ADGRB3: variants seen among roughly 807,000 people sequenced by gnomAD.
ADGRB3 encodes brain-specific angiogenesis inhibitor 3.
ADGRB3 carries 37 observed loss-of-function variants against 193.4 expected under a neutral mutation model. The ratio of observed to expected loss-of-function variants is 0.19; its 90% confidence interval spans 0.15 to 0.25. ADGRB3 has a LOEUF of 0.25. Ranked by LOEUF, ADGRB3 falls within the 10% of genes least tolerant of loss-of-function variation. ADGRB3 has a pLI of 1.00. For synonymous variants in ADGRB3, 690 were observed against 644.2 expected, an observed-to-expected ratio of 1.07 and a Z score of -1.08; for missense variants, 1,637 against 1,852.9, an observed-to-expected ratio of 0.88 and a Z score of 2.14.
chr6:68,923,681 T>G (rs1767106836), intron 3 of ADGRB3, among the ~76,000 whole-genome samples: 1 of 152,056 alleles, frequency 6.6e-6, no homozygotes, highest in African/African-American at 2.4e-5. Context: ...TAATGAGCTT[T>G]GGTGAATTTA....
intron 26 of ADGRB3, among the ~76,000 whole-genome samples, chr6:69,347,855 G>T (rs944804135): frequency 2.0e-5 from 3 of 151,992 alleles, no homozygotes; most frequent in Non-Finnish European, 2.9e-5. Flanking sequence ...AAATAAACCT[G>T]GATTTTACCA....
At chr6:68,786,169 T>G (rs1766964686) in intron 3 of ADGRB3, among the ~76,000 whole-genome samples, 1 of 152,144 alleles carries the variant, frequency 6.6e-6, no homozygotes. Flanking sequence ...TAGATCCCAT[T>G]TGTCAATTTT....
intron 17 of ADGRB3, among the ~76,000 whole-genome samples, chr6:69,149,093 A>G (rs1227857025): frequency 1.3e-5 from 2 of 152,008 alleles, no homozygotes; most frequent in African/African-American, 4.8e-5. Context: ...TAGGATTGGG[A>G]AGTTCTCTGT....
intron 17 of ADGRB3, among the ~76,000 whole-genome samples, chr6:69,153,781 C>T (rs1228780243): frequency 6.6e-6 from 1 of 152,136 alleles, no homozygotes; most frequent in East Asian, 1.9e-4. Context: ...ATCACGAGGT[C>T]AGGAGATCGA....
intron 15 of ADGRB3, 78 bp downstream of exon 15, chr6:69,049,424 G>A: frequency 9.2e-7 from 1 of 1,084,224 alleles, no homozygotes; most frequent in Non-Finnish European, 1.3e-6. Flanking sequence ...TATAAAAATA[G>A]TCAAACAAGC....
intron 13 of ADGRB3, among the ~76,000 whole-genome samples, chr6:69,022,411 A>G (rs1272746540): frequency 6.6e-6 from 1 of 151,804 alleles, no homozygotes; most frequent in African/African-American, 2.4e-5. Context: ...AACAAGACAG[A>G]AAGTTATTTT....
At chr6:68,887,433 C>T (rs1489939369) in intron 3 of ADGRB3, among the ~76,000 whole-genome samples, 2 of 152,048 alleles carry the variant, frequency 1.3e-5, no homozygotes, top group Non-Finnish European at 2.9e-5. Context: ...ACTGCCTGTT[C>T]ACATTCTTGG....
chr6:68,701,587 A>G (rs957336204), intron 3 of ADGRB3, among the ~76,000 whole-genome samples: 17 of 152,180 alleles, frequency 1.1e-4, no homozygotes, highest in Non-Finnish European at 7.3e-5. Flanking sequence ...GGCTATTATT[A>G]TAGCTCCTCC....
intron 3 of ADGRB3, among the ~76,000 whole-genome samples, chr6:68,659,074 C>G (rs540447471): frequency 1.3e-5 from 2 of 150,952 alleles, no homozygotes; most frequent in South Asian, 4.2e-4. Context: ...TTTTGTAACT[C>G]TCAACTTTTA....
At chr6:68,646,572 T>G (rs1309280639) in intron 3 of ADGRB3, among the ~76,000 whole-genome samples, 1 of 152,198 alleles carries the variant, frequency 6.6e-6, no homozygotes, top group Non-Finnish European at 1.5e-5. Context: ...ACACTGAATT[T>G]TCATACTACT....
At chr6:68,956,247 A>G in intron 7 of ADGRB3, 59 bp downstream of exon 7, 1 of 1,501,412 alleles carries the variant, frequency 6.7e-7, no homozygotes, top group South Asian at 1.3e-5. Context: ...CACATTATAA[A>G]ATGTGTCAGA....
At chr6:69,015,820 A>T (rs1770072605) in intron 12 of ADGRB3, among the ~76,000 whole-genome samples, 1 of 151,918 alleles carries the variant, frequency 6.6e-6, no homozygotes, top group Non-Finnish European at 1.5e-5. Flanking sequence ...AAAGCATCCT[A>T]CTAAAAATGT....
At chr6:68,844,562 A>G (rs998746887) in intron 3 of ADGRB3, among the ~76,000 whole-genome samples, 1 of 152,210 alleles carries the variant, frequency 6.6e-6, no homozygotes, top group African/African-American at 2.4e-5. Context: ...AAGTAGTATG[A>G]TCACTATGGA....
rs1768749298 is a variant in ADGRB3, at chr6:69,332,339, C to A, written c.3103-584C>A. On this transcript the variant is annotated intron_variant, in intron 23 of 31. Transcript: ENST00000370598. ...ATATTTTAAAAATTGGCACTAGTGT[C>A]CATTGTGAAAAAGATTCTGGTGAAT... 3.0e-6 allele frequency: 3 copies of A among 985,334 alleles called. No homozygotes were observed. In the South Asian group the frequency reaches 1.4e-4, roughly 46 times the overall value. 61.0% of individuals were successfully genotyped at this position (985,334 alleles called of 1,614,324 possible).
chr6:68,841,557 C>T (rs519614), intron 3 of ADGRB3, among the ~76,000 whole-genome samples: 32,610 of 151,956 alleles, frequency 0.21, 4,048 homozygotes, highest in East Asian at 0.58. Flanking sequence ...TCTCTTTAAA[C>T]AAATGGTAAT....
chr6:68,800,745 A>G (rs1211997449), intron 3 of ADGRB3, among the ~76,000 whole-genome samples: 1 of 152,176 alleles, frequency 6.6e-6, no homozygotes, highest in African/African-American at 2.4e-5. Flanking sequence ...CTGCCTCTGA[A>G]TGAACTAGTT....
chr6:69,207,416 AGGCATT>A (rs1765562624), intron 17 of ADGRB3, among the ~76,000 whole-genome samples: 2 of 152,142 alleles, frequency 1.3e-5, no homozygotes, highest in Admixed American at 6.6e-5. Context: ...TAGCCCCCCT[AGGCATT>A]GTGCCTTTTT....
At chr6:69,052,491 A>C (rs1183001163) in intron 15 of ADGRB3, among the ~76,000 whole-genome samples, 1 of 152,216 alleles carries the variant, frequency 6.6e-6, no homozygotes, top group African/African-American at 2.4e-5. Flanking sequence ...TATACACAGA[A>C]ATAATAAGAG....
intron 17 of ADGRB3, among the ~76,000 whole-genome samples, chr6:69,128,645 C>T (rs1285604389): frequency 5.3e-5 from 8 of 152,228 alleles, no homozygotes; most frequent in African/African-American, 1.2e-4. Context: ...ACTTTCTCAA[C>T]GAGCCACACA....
Sources: allele counts gnomAD v4.1 joint callset (sites outside exome capture counted in the v4.1 genomes callset), GRCh38; gene constraint gnomAD v4.1.1; transcripts MANE v1.5; gene names NCBI Gene and HGNC (gene_info 2026-07-23, HGNC 2026-07-21).